Variants in NINJ2 observed in about 807,000 individuals in gnomAD.
NINJ2 encodes the protein ninjurin-2.
A neutral mutation model predicts 11.7 loss-of-function variants in NINJ2; 12 were observed. The ratio of observed to expected loss-of-function variants is 1.02; its 90% CI spans 0.66 to 1.66. The LOEUF (loss-of-function observed/expected upper bound fraction) is 1.66, where lower values mean the gene tolerates loss of function less well. Among genes scored for constraint, NINJ2 ranks in the 40% most tolerant of loss-of-function variants. NINJ2 has a pLI of 0.00. For missense variants in NINJ2, 187 were observed against 181.8 expected, an observed-to-expected ratio of 1.03 and a Z score of -0.16; for synonymous variants, 93 against 76.8, an observed-to-expected ratio of 1.21 and a Z score of -1.10.
intron 1 of NINJ2, among the ~76,000 whole-genome samples, chr12:657,584 T>C (rs1175627141): frequency 6.6e-6 from 1 of 151,918 alleles, no homozygotes; most frequent in East Asian, 1.9e-4. Flanking sequence ...GCGAGACTCC[T>C]TCTCAAAAAA....
intron 1 of NINJ2, among the ~76,000 whole-genome samples, chr12:657,878 C>T (rs1232498826): frequency 1.3e-5 from 2 of 151,614 alleles, no homozygotes; most frequent in Non-Finnish European, 2.9e-5. Flanking sequence ...GACAGTTTGG[C>T]AGTTTCTTCC....
chr12:569,525 T>C (rs1043776698), intron 1 of NINJ2, among the ~76,000 whole-genome samples: 2 of 152,196 alleles, frequency 1.3e-5, no homozygotes. Flanking sequence ...TTCTCCTCCT[T>C]CCTGGTCTAG....
chr12:642,528 CTAT>C, intron 1 of NINJ2: 1 of 152,556 alleles, frequency 6.6e-6, no homozygotes, highest in Non-Finnish European at 1.5e-5. Flanking sequence ...GCGCCCGGCG[CTAT>C]TATTATTAAT....
intron 1 of NINJ2, among the ~76,000 whole-genome samples, chr12:626,594 T>C (rs1948212784): frequency 6.6e-6 from 1 of 152,012 alleles, no homozygotes; most frequent in South Asian, 2.1e-4. Flanking sequence ...TAGCTGAACA[T>C]AAAAGGTGAA....
chr12:619,170 C>A (rs981317120), intron 1 of NINJ2, among the ~76,000 whole-genome samples: 1 of 152,090 alleles, frequency 6.6e-6, no homozygotes, highest in Admixed American at 6.5e-5. Context: ...TGGATGGAGT[C>A]CAGCAAGTAT....
chr12:576,061 AAC>A (rs1021559316), intron 1 of NINJ2, among the ~76,000 whole-genome samples: 124 of 152,296 alleles, frequency 8.1e-4, no homozygotes, highest in African/African-American at 2.7e-3. Context: ...CTTAAAAATC[AAC>A]AGTCTCTAAT....
chr12:567,988 C>G (rs919954460), intron 1 of NINJ2, among the ~76,000 whole-genome samples: 2 of 152,196 alleles, frequency 1.3e-5, no homozygotes, highest in African/African-American at 4.8e-5. Context: ...GCCTGGGTGG[C>G]AGAGTAAGAC....
At position 573,112 on chromosome 12, in the gene NINJ2, G is replaced by A. The variant is rs1472449298; in HGVS notation, c.34-6934C>T. On this transcript the variant is annotated intron_variant, in intron 1 of 3. Transcript: ENST00000305108. ...GCAATCTCAGCTCACTGCAAGCTCC[G>A]CCTCCCGGGTTCACGCCATTCTCCT... is the stretch of plus-strand genomic sequence containing the variant. Among the ~76,000 whole-genome samples, 3 of 139,118 alleles carry A rather than the reference G, an allele frequency of 2.2e-5. No homozygotes were observed. The East Asian group carries it at 6.5e-4, about 30-fold the overall frequency. 91.3% of individuals were successfully genotyped at this position (139,118 alleles called of 152,430 possible).
chr12:637,338 G>C (rs1948364256), intron 1 of NINJ2, among the ~76,000 whole-genome samples: 2 of 150,636 alleles, frequency 1.3e-5, no homozygotes, highest in African/African-American at 4.9e-5. Context: ...GACAGAGCGA[G>C]ACTTCATCTC....
intron 1 of NINJ2, among the ~76,000 whole-genome samples, chr12:649,018 C>CTATCTATCTATCTATG (rs1937742109): frequency 6.6e-6 from 1 of 151,772 alleles, no homozygotes; most frequent in Non-Finnish European, 1.5e-5. Flanking sequence ...ATCTATCTAT[C>CTATCTATCTATCTATG]TATCTATCTA....
At chr12:652,306 A>T (rs1937807057) in intron 1 of NINJ2, among the ~76,000 whole-genome samples, 1 of 152,244 alleles carries the variant, frequency 6.6e-6, no homozygotes. Context: ...CCAACCTGGA[A>T]TTCTCTATCT....
chr12:629,896 A>AAAAAAATATATAT, intron 1 of NINJ2, among the ~76,000 whole-genome samples: 4 of 9,902 alleles, frequency 4.0e-4, no homozygotes, highest in Non-Finnish European at 9.4e-4. Flanking sequence ...AAAAAAAAAA[A>AAAAAAATATATAT]ATATATATAT....
At chr12:596,148 G>A (rs986477946) in intron 1 of NINJ2, among the ~76,000 whole-genome samples, 2 of 152,114 alleles carry the variant, frequency 1.3e-5, no homozygotes, top group South Asian at 2.1e-4. Flanking sequence ...CAGCAACCAC[G>A]CTCCTTGGGA....
chr12:617,142 G>C (rs12231386), intron 1 of NINJ2, among the ~76,000 whole-genome samples: 27,669 of 152,140 alleles, frequency 0.18, 2,637 homozygotes, highest in Middle Eastern at 0.33. Flanking sequence ...GGAGGCGGAG[G>C]TTGCAGTGAG....
intron 1 of NINJ2, among the ~76,000 whole-genome samples, chr12:566,726 A>G (rs1393810434): frequency 6.6e-6 from 1 of 152,262 alleles, no homozygotes; most frequent in African/African-American, 2.4e-5. Flanking sequence ...CTGCTCAGGC[A>G]CACACGCTGT....
intron 1 of NINJ2, among the ~76,000 whole-genome samples, chr12:577,404 C>A (rs1212776524): frequency 1.5e-5 from 1 of 67,314 alleles, no homozygotes; most frequent in Non-Finnish European, 4.1e-5. Context: ...AGTTGAGAAG[C>A]AACACTAGTC....
chr12:598,024 C>T (rs531791727), intron 1 of NINJ2, among the ~76,000 whole-genome samples: 25 of 152,184 alleles, frequency 1.6e-4, no homozygotes, highest in African/African-American at 2.7e-4. Context: ...AGGTCCCCTG[C>T]GGAGAAAGCT....
At chr12:573,089 A>G (rs1947401224) in intron 1 of NINJ2, among the ~76,000 whole-genome samples, 1 of 143,622 alleles carries the variant, frequency 7.0e-6, no homozygotes, top group Middle Eastern at 3.5e-3. Flanking sequence ...GCAGTGGCGC[A>G]ATCTCAGCTC....
At chr12:597,286 G>A (rs1947800742) in intron 1 of NINJ2, among the ~76,000 whole-genome samples, 1 of 152,150 alleles carries the variant, frequency 6.6e-6, no homozygotes, top group Non-Finnish European at 1.5e-5. Context: ...AATGATAATG[G>A]CACCTTCCTG....
Sources: allele counts gnomAD v4.1 joint callset (sites outside exome capture counted in the v4.1 genomes callset), GRCh38; gene constraint gnomAD v4.1.1; transcripts MANE v1.5; gene names NCBI Gene and HGNC (gene_info 2026-07-23, HGNC 2026-07-21).